The following ARB2A variants were observed in gnomAD, a reference collection of about 807,000 sequenced individuals.
ARB2A encodes ARB2 cotranscriptional regulator A, also known as cotranscriptional regulator ARB2A.
At chr5:93,903,374 C>G in the ARB2A span, among the ~76,000 whole-genome samples, 1 of 151,870 alleles carries the variant, frequency 6.6e-6, no homozygotes, top group Non-Finnish European at 1.5e-5. Context: ...TCAGCAATAA[C>G]AACAACAAAG....
chr5:94,092,835 C>T, the ARB2A span, among the ~76,000 whole-genome samples: 1 of 152,108 alleles, frequency 6.6e-6, no homozygotes, highest in East Asian at 1.9e-4. Context: ...CTAATTGAAA[C>T]ATCCTTTAAC....
the ARB2A span, among the ~76,000 whole-genome samples, chr5:93,658,478 T>C: frequency 6.6e-6 from 1 of 151,752 alleles, no homozygotes; most frequent in African/African-American, 2.4e-5. Flanking sequence ...CTGTGTGATT[T>C]CATTTCATTT....
chr5:93,961,195 G>A, the ARB2A span, among the ~76,000 whole-genome samples: 1 of 152,058 alleles, frequency 6.6e-6, no homozygotes. Context: ...AGGTCAGTGA[G>A]GCCTTAATGG....
chr5:94,013,642 G>A, the ARB2A span, among the ~76,000 whole-genome samples: 1 of 152,148 alleles, frequency 6.6e-6, no homozygotes, highest in Non-Finnish European at 1.5e-5. Flanking sequence ...ATAATTTACA[G>A]AAGATGGGTC....
chr5:93,926,933 A>G, the ARB2A span, among the ~76,000 whole-genome samples: 1 of 152,056 alleles, frequency 6.6e-6, no homozygotes, highest in African/African-American at 2.4e-5. Flanking sequence ...GGATGTAAGC[A>G]AAGACAGAGG....
chr5:93,684,498 T>C, the ARB2A span, among the ~76,000 whole-genome samples: 1 of 152,200 alleles, frequency 6.6e-6, no homozygotes, highest in African/African-American at 2.4e-5. Context: ...ACATAACATA[T>C]GCTCAATAAA....
chr5:94,004,362 A>G, the ARB2A span, among the ~76,000 whole-genome samples: 1 of 151,996 alleles, frequency 6.6e-6, no homozygotes, highest in Non-Finnish European at 1.5e-5. Context: ...CAGGCGGATC[A>G]CAAGGTCAGG....
At chr5:93,640,037 C>G in the ARB2A span, among the ~76,000 whole-genome samples, 1 of 140,370 alleles carries the variant, frequency 7.1e-6, no homozygotes, top group Non-Finnish European at 1.5e-5. Flanking sequence ...AGACTCCAGC[C>G]CGGGTGACAG....
At chr5:93,722,860 AACAATCAGTTAC>A in the ARB2A span, among the ~76,000 whole-genome samples, 1 of 152,156 alleles carries the variant, frequency 6.6e-6, no homozygotes, top group Non-Finnish European at 1.5e-5. Flanking sequence ...CAGCATGTAT[AACAATCAGTTAC>A]ACAACATCTG....
the ARB2A span, among the ~76,000 whole-genome samples, chr5:93,769,957 A>T: frequency 6.6e-6 from 1 of 152,208 alleles, no homozygotes; most frequent in Non-Finnish European, 1.5e-5. Context: ...GCTGAATAAT[A>T]AAAGTAACTT....
the ARB2A span, among the ~76,000 whole-genome samples, chr5:94,076,107 C>T: frequency 3.3e-5 from 5 of 152,120 alleles, no homozygotes; most frequent in Admixed American, 6.5e-5. Context: ...AAACAAATCA[C>T]GGCTTCATCA....
the ARB2A span, among the ~76,000 whole-genome samples, chr5:94,067,599 C>T: frequency 7.2e-5 from 11 of 151,970 alleles, no homozygotes; most frequent in South Asian, 2.1e-4. Context: ...AAGAAAAATA[C>T]CTAGGAATAA....
chr5:93,645,961 C>T, the ARB2A span, among the ~76,000 whole-genome samples: 1 of 152,118 alleles, frequency 6.6e-6, no homozygotes, highest in East Asian at 1.9e-4. Context: ...TTTAGTATTC[C>T]TAACTATGGA....
the ARB2A span, among the ~76,000 whole-genome samples, chr5:93,888,921 A>G: frequency 6.6e-6 from 1 of 151,772 alleles, no homozygotes; most frequent in African/African-American, 2.4e-5. Context: ...CATACAACAA[A>G]CATTTAATAA....
the ARB2A span, among the ~76,000 whole-genome samples, chr5:93,667,269 T>A: frequency 1.2e-4 from 18 of 152,210 alleles, no homozygotes; most frequent in Non-Finnish European, 1.9e-4. Flanking sequence ...ATTACAGTAT[T>A]AATTTCCCCA....
chr5:93,961,565 T>A, the ARB2A span, among the ~76,000 whole-genome samples: 1 of 152,048 alleles, frequency 6.6e-6, no homozygotes, highest in Non-Finnish European at 1.5e-5. Context: ...GCACCTGTAG[T>A]CCCAGCTACT....
chr5:93,758,915 A>G, the ARB2A span, among the ~76,000 whole-genome samples: 6 of 152,166 alleles, frequency 3.9e-5, no homozygotes, highest in Non-Finnish European at 7.4e-5. Context: ...ACTAAATGAA[A>G]CCAAAACAAA....
At chr5:93,946,679 C>T in the ARB2A span, among the ~76,000 whole-genome samples, 1 of 152,040 alleles carries the variant, frequency 6.6e-6, no homozygotes, top group African/African-American at 2.4e-5. Flanking sequence ...ATGATTACAT[C>T]TAAGGAACAG....
the ARB2A span, among the ~76,000 whole-genome samples, chr5:93,996,580 G>T: frequency 6.6e-6 from 1 of 151,966 alleles, no homozygotes; most frequent in Admixed American, 6.6e-5. Context: ...AGATCATCCT[G>T]CATTCAGGGC....
Sources: gnomAD v4.1 joint callset for allele counts (sites outside exome capture counted in the v4.1 genomes callset) on GRCh38, gnomAD v4.1.1 for gene constraint, MANE v1.5 for transcripts, NCBI Gene and HGNC (gene_info 2026-07-23, HGNC 2026-07-21) for gene names.